POM121: variants seen among roughly 807,000 people sequenced by gnomAD.
POM121 encodes the protein POM121 transmembrane nucleoporin.
In POM121, 32 loss-of-function variants were observed where a neutral mutation model predicts 81.3. That is an observed-to-expected ratio of 0.39 (90% CI 0.30 to 0.53). The LOEUF (loss-of-function observed/expected upper bound fraction) is 0.53. Ranked by LOEUF, POM121 falls within the 20% of genes least tolerant of loss-of-function variation. The probability of loss-of-function intolerance (pLI) is 0.66; values close to 1 mark genes in which losing one functional copy is unlikely to be tolerated. For missense variants in POM121, 1,138 were observed against 1,614.6 expected (o/e 0.70, Z 5.06); for synonymous variants, 514 against 694.2 (o/e 0.74, Z 4.08).
upstream of POM121, among the ~76,000 whole-genome samples, chr7:72,923,704 A>G (rs1465806300): frequency 1.4e-4 from 19 of 133,080 alleles, no homozygotes; most frequent in African/African-American, 5.2e-4. Flanking sequence ...GGTTCACGCC[A>G]TTCTCCTGCC....
intron 3 of POM121, among the ~76,000 whole-genome samples, chr7:72,906,592 A>G (rs1333757552): frequency 6.6e-6 from 1 of 152,176 alleles, no homozygotes; most frequent in African/African-American, 2.4e-5. Context: ...TCTACACTAC[A>G]GCTTCCTACT....
upstream of POM121, chr7:72,924,990 G>T (rs1325269223): frequency 1.5e-6 from 2 of 1,318,114 alleles, no homozygotes; most frequent in Non-Finnish European, 1.9e-6. Flanking sequence ...CAAACCAGTT[G>T]GGTCTCGGGC....
In POM121 at chr7:72,930,115, C is replaced by G. The variant is rs1554498325; in HGVS notation, c.1275+4C>G. 1 of 1,605,768 alleles carries G rather than the reference C, an allele frequency of 6.2e-7. No homozygotes were observed. Among genetic ancestry groups the G allele is most frequent in the Non-Finnish European group, 8.5e-7 (1 of 1,174,748 alleles). On this transcript the variant is annotated splice_donor_region_variant and intron_variant, in intron 5 of 12. Transcript: ENST00000434423. ...CTCCACTCGAGGCATCTCACAGGTACAAGTACAGCTCTTTTAATGTGGGGG... is the reference window on the plus strand; with the variant it reads ...CTCCACTCGAGGCATCTCACAGGTAGAAGTACAGCTCTTTTAATGTGGGGG...
At chr7:72,920,417 C>T (rs192771711), upstream of POM121, among the ~76,000 whole-genome samples, 2 of 145,980 alleles carry the variant, frequency 1.4e-5, no homozygotes, top group East Asian at 2.0e-4. Context: ...GGCGCAATCT[C>T]GGCTCACTGC....
In POM121 at chr7:72,925,361, C is replaced by T. The variant is rs1159299277; in HGVS notation, c.240C>T (p.Ser80=). The T allele has an allele frequency of 1.3e-5, 20 of 1,522,940 alleles. No individual in the cohort carries two copies. Among genetic ancestry groups the T allele is most frequent in the Non-Finnish European group, 1.7e-5 (19 of 1,137,082 alleles). The allele number at this position is 1,522,940 out of a possible 1,614,324, so 94.3% of individuals were successfully genotyped here. A position where few individuals can be genotyped will look rare whatever the true frequency, so the allele number is the denominator to read the frequency against. ...SREPRGSRPL[S]SFVRKARHRR... ...AGCCCCGAGGTTCGCGCCCCTTGTC[C>T]TCCTTCGTTCGGAAGGCGCGTCATC... Residue 80 remains serine (S), a synonymous_variant, in exon 1 of 13, where the codon TCC becomes TCT. Transcript: ENST00000434423.
chr7:72,926,254 C>T lies in POM121; in HGVS notation c.645-8C>T. The T allele has an allele frequency of 6.4e-7, 1 of 1,552,604 alleles. No individual in the cohort carries two copies. The highest frequency in any genetic ancestry group is 8.7e-7 in the Non-Finnish European group (1 of 1,146,928). ...TTGGTTCCGTGATTTGTCTCGCATT[C>T]TCTGCAGGGATTGTGGGACTTTACC... On this transcript the variant is annotated splice_polypyrimidine_tract_variant and splice_region_variant and intron_variant, in intron 1 of 12. Coordinates refer to ENST00000434423, the MANE Select transcript of POM121 (RefSeq NM_001387691.1).
chr7:72,922,505 G>A (rs1794905165), upstream of POM121, among the ~76,000 whole-genome samples: 1 of 151,640 alleles, frequency 6.6e-6, no homozygotes, highest in African/African-American at 2.4e-5. Flanking sequence ...TCCAGCCTCA[G>A]CCTCCTGAGT....
chr7:72,950,087 G>A (rs782146936), downstream of POM121: 29 of 1,577,988 alleles, frequency 1.8e-5, no homozygotes, highest in African/African-American at 4.1e-5. Context: ...TGTCCGGCCC[G>A]GTACAGTGGG....
Position 72,939,960 on chromosome 7 carries a change from C to T in POM121, c.1555C>T (p.Leu519=). The T allele has an allele frequency of 1.2e-6, 2 of 1,605,996 alleles. No homozygotes were observed. The highest frequency in any genetic ancestry group is 2.2e-5 in the South Asian group (2 of 90,622). The stretch of plus-strand genomic sequence containing the variant: ...GCTGCCTTCTCGGCGAGGGGAACAG[C>T]TGACCTTGGTATGGTCTTGTCCATC... ...QLLPSRRGEQ[L]TLPPPPQLGY... The change falls in exon 8 of 13, where the codon CTG becomes TTG. Residue 519 remains leucine (L), a synonymous_variant. Transcript: ENST00000434423.
intron 5 of POM121, among the ~76,000 whole-genome samples, chr7:72,938,121 A>G (rs1417876250): frequency 6.6e-6 from 1 of 152,040 alleles, no homozygotes; most frequent in Admixed American, 6.6e-5. Flanking sequence ...CTTTATTCGC[A>G]TTCCATTACT....
chr7:72,939,353 A>G lies in POM121; in HGVS notation c.1385A>G (p.His462Arg). The change falls in exon 7 of 13, where the codon CAT (histidine) becomes CGT (arginine). Residue 462 changes from histidine to arginine, a missense_variant. Around this residue, in one of 7 missense-constraint regions of POM121, gnomAD observed 646 missense variants for 633.5 expected, o/e 1.02. Coordinates refer to ENST00000434423, the MANE Select transcript of POM121 (RefSeq NM_001387691.1). ...CCTGACAGAGAAGAGGAGCTGTGTC[A>G]TCATTCCAGTTCTTCAACTCCATTG... ...AKKIREEELC[H>R]HSSSSTPLAA... is the part of the protein sequence containing the mutation. 1 of 1,613,924 alleles carries G rather than the reference A, an allele frequency of 6.2e-7. No homozygotes were observed. The highest frequency in any genetic ancestry group is 8.5e-7 in the Non-Finnish European group (1 of 1,179,842).
intron 4 of POM121, among the ~76,000 whole-genome samples, chr7:72,919,528 C>A (rs1554495613): frequency 2.0e-5 from 3 of 152,074 alleles, no homozygotes; most frequent in Non-Finnish European, 4.4e-5. Flanking sequence ...GTCACCCAGG[C>A]TGGAGTGCAA....
At chr7:72,901,210 CTTT>C (rs1419586321) in intron 3 of POM121, among the ~76,000 whole-genome samples, 1 of 148,928 alleles carries the variant, frequency 6.7e-6, no homozygotes, top group South Asian at 2.1e-4. Flanking sequence ...ACCTTTTTTT[CTTT>C]TTTTCTTTTT....
Position 72,890,703 on chromosome 7 carries a change from T to C in POM121, c.-444T>C, listed in dbSNP as rs1201396440. 1.3e-5 allele frequency: 21 copies of C among 1,601,766 alleles called. No homozygotes were observed. In the Admixed American group the frequency reaches 3.5e-4, roughly 27 times the overall value. On this transcript the variant is annotated 5_prime_UTR_variant, in exon 2 of 16. Transcript: ENST00000395270. The stretch of plus-strand genomic sequence containing the variant: ...TGGCAACTGGACCCTGATGAGAAGA[T>C]AACATACGGGGATGTGATGTTGGAG...
intron 3 of POM121, among the ~76,000 whole-genome samples, chr7:72,910,347 T>A (rs1458929834): frequency 3.3e-5 from 5 of 152,192 alleles, no homozygotes; most frequent in African/African-American, 9.7e-5. Flanking sequence ...TAAACAGAAC[T>A]TGTCTTTAAT....
chr7:72,889,994 T>C (rs1791142826), intron 1 of POM121, among the ~76,000 whole-genome samples: 1 of 152,250 alleles, frequency 6.6e-6, no homozygotes, highest in South Asian at 2.1e-4. Flanking sequence ...GATCCTCTTT[T>C]GTTAAATCAT....
At chr7:72,948,864 C>T (rs782504255), downstream of POM121, 144 of 1,599,600 alleles carry the variant, frequency 9.0e-5, no homozygotes, top group Non-Finnish European at 1.2e-4. Context: ...CCATCCCCCC[C>T]TCCACGACCC....
downstream of POM121, chr7:72,949,597 A>G: frequency 2.9e-6 from 2 of 679,948 alleles, 1 homozygote; most frequent in African/African-American, 3.6e-5. Context: ...GCCAGGACAC[A>G]CAATATTGAA....
At position 72,910,426 on chromosome 7, in the gene POM121, C is replaced by T. The variant is rs568336796; in HGVS notation, c.-215-3339C>T. ...GAGGAATATTCTGCGGTGGGTGGGA[C>T]GGGGAACGGGAAATGGGTTGGAGAA... On this transcript the variant is annotated intron_variant, in intron 3 of 15. Coordinates refer to the POM121 transcript ENST00000395270. 2.3e-4 allele frequency among the ~76,000 whole-genome samples: 35 copies of T among 152,164 alleles called. No individual in the cohort carries two copies. In the East Asian group the frequency reaches 4.8e-3, roughly 21 times the overall value.
Sources: allele counts gnomAD v4.1 joint callset (sites outside exome capture counted in the v4.1 genomes callset), GRCh38; gene constraint gnomAD v4.1.1; regional missense constraint gnomAD v4.1.1; transcripts MANE v1.5; gene names NCBI Gene and HGNC (gene_info 2026-07-23, HGNC 2026-07-21).